The following VWA2 variants were observed in gnomAD, a reference collection of about 807,000 sequenced individuals.
VWA2 encodes von Willebrand factor A domain-containing protein 2.
VWA2 carries 73 observed loss-of-function variants against 70.4 expected under a neutral mutation model. That is an observed-to-expected ratio of 1.04 (90% confidence interval 0.86 to 1.26). The LOEUF (loss-of-function observed/expected upper bound fraction) is 1.26, where lower values mean the gene tolerates loss of function less well. Among genes scored for constraint, VWA2 ranks in the 50% most tolerant of loss-of-function variants. The pLI, the probability that VWA2 is intolerant of heterozygous loss-of-function variation, is 0.00. For synonymous variants in VWA2, 407 were observed against 423.3 expected (o/e 0.96, Z 0.47); for missense variants, 1,011 against 998.5 (o/e 1.01, Z -0.17).
Position 114,288,919 on chromosome 10 carries a change from C to A in VWA2, c.1571-19C>A, listed in dbSNP as rs2039243134. 1.3e-6 allele frequency: 2 copies of A among 1,584,680 alleles called. No homozygotes were observed. The highest frequency in any genetic ancestry group is 1.7e-6 in the Non-Finnish European group (2 of 1,163,352). ...GACTGGCACATCCACTGCTGAAGCC[C>A]CTCTGCTTGCTCCTGCAGGGTGCCG... On this transcript the variant is annotated intron_variant, in intron 11 of 13. Transcript: ENST00000392982.
chr10:114,240,560 C>A (rs528693281), intron 1 of VWA2, among the ~76,000 whole-genome samples: 1 of 152,196 alleles, frequency 6.6e-6, no homozygotes, highest in Non-Finnish European at 1.5e-5. Context: ...ACCCCAGAAC[C>A]TCTAAGTGTT....
intron 6 of VWA2, among the ~76,000 whole-genome samples, chr10:114,276,402 TC>T (rs1173650709): frequency 6.6e-6 from 1 of 152,222 alleles, no homozygotes; most frequent in Non-Finnish European, 1.5e-5. Flanking sequence ...CATCCTGCCT[TC>T]AGTGACTCTG....
chr10:114,245,304 G>A (rs889086113), intron 1 of VWA2, among the ~76,000 whole-genome samples: 1 of 152,216 alleles, frequency 6.6e-6, no homozygotes, highest in Admixed American at 6.5e-5. Flanking sequence ...GAGGGAAGGG[G>A]ACTGTGTTTA....
intron 2 of VWA2, among the ~76,000 whole-genome samples, chr10:114,251,914 C>T (rs964925343): frequency 3.8e-4 from 57 of 151,812 alleles, no homozygotes; most frequent in Admixed American, 1.0e-3. Context: ...CTCCGCCTCC[C>T]GGGTTCAAGT....
At chr10:114,253,782 A>G in intron 3 of VWA2, 57 bp downstream of exon 3, 1 of 1,479,232 alleles carries the variant, frequency 6.8e-7, no homozygotes, top group South Asian at 1.1e-5. Flanking sequence ...TGTGTGATGG[A>G]CTGGATGAGA....
At chr10:114,246,077 C>A in intron 1 of VWA2, 1 of 464,192 alleles carries the variant, frequency 2.2e-6, no homozygotes. Flanking sequence ...CCGCCCCCCG[C>A]CCAAGATGAT....
chr10:114,247,842 G>T (rs995968786), intron 1 of VWA2, among the ~76,000 whole-genome samples: 1 of 152,064 alleles, frequency 6.6e-6, no homozygotes, highest in Non-Finnish European at 1.5e-5. Context: ...AGGGCACCAG[G>T]ATGAGGATGA....
chr10:114,282,769 G>A (rs1052575876), intron 9 of VWA2, among the ~76,000 whole-genome samples, 198 bp downstream of exon 9: 6 of 152,142 alleles, frequency 3.9e-5, no homozygotes, highest in Non-Finnish European at 5.9e-5. Flanking sequence ...ATGGAGTGGC[G>A]GCTTTGGGAT....
intron 1 of VWA2, among the ~76,000 whole-genome samples, chr10:114,244,779 A>G (rs572167454): frequency 1.3e-5 from 2 of 152,390 alleles, no homozygotes; most frequent in South Asian, 2.1e-4. Context: ...CATCATCGCA[A>G]TAGCGTTCAT....
At chr10:114,273,646 G>A (rs1265098104) in intron 6 of VWA2, among the ~76,000 whole-genome samples, 1 of 152,206 alleles carries the variant, frequency 6.6e-6, no homozygotes, top group Non-Finnish European at 1.5e-5. Flanking sequence ...AGCGTTAAGT[G>A]AAATGACTCT....
chr10:114,267,993 TG>T (rs1193464067), intron 5 of VWA2, among the ~76,000 whole-genome samples: 1 of 152,036 alleles, frequency 6.6e-6, no homozygotes. Context: ...TAGGCTGCTG[TG>T]GGTTCATTTT....
chr10:114,246,336 A>C (rs2037067792), intron 1 of VWA2: 10 of 571,982 alleles, frequency 1.7e-5, no homozygotes, highest in Non-Finnish European at 3.1e-5. Flanking sequence ...CCCCGTCTCT[A>C]CTAAAAATAC....
chr10:114,274,250 G>T (rs2037772016), intron 6 of VWA2, among the ~76,000 whole-genome samples: 1 of 152,250 alleles, frequency 6.6e-6, no homozygotes, highest in African/African-American at 2.4e-5. Flanking sequence ...TTAGTTTATT[G>T]TGAGTAGGAT....
chr10:114,291,222 C>A lies in VWA2; in HGVS notation c.2253C>A (p.Phe751Leu). 1 of 1,550,580 alleles carries A rather than the reference C, an allele frequency of 6.4e-7. No homozygotes were observed. Among genetic ancestry groups the A allele is most frequent in the Non-Finnish European group, 8.7e-7 (1 of 1,146,976 alleles). ...GWEGPHCENRFLRRP is the reference protein window; with the variant it reads ...GWEGPHCENRLLRRP ...AGACTTCACTTCCTTCCCCAGGATT[C>A]TTGAGACGCCCCTGAGGCACATGGC... The change falls in exon 14 of 14, where the codon TTC becomes TTA. Residue 751 changes from phenylalanine (F) to leucine (L), a missense_variant. Phe to Leu is a conservative substitution (Grantham distance 22, BLOSUM62 0). Transcript: ENST00000392982.
intron 6 of VWA2, among the ~76,000 whole-genome samples, chr10:114,273,246 T>A (rs1299111111): frequency 6.6e-6 from 1 of 152,082 alleles, no homozygotes; most frequent in Non-Finnish European, 1.5e-5. Flanking sequence ...TCCCTCAGGG[T>A]GTGCAGGAGC....
intron 2 of VWA2, among the ~76,000 whole-genome samples, chr10:114,253,442 T>C (rs1459992805): frequency 1.4e-5 from 2 of 144,864 alleles, no homozygotes. Context: ...ACTACCCACA[T>C]TTAAATACAA....
At chr10:114,251,735 C>G (rs991412632) in intron 2 of VWA2, among the ~76,000 whole-genome samples, 1 of 151,552 alleles carries the variant, frequency 6.6e-6, no homozygotes, top group African/African-American at 2.4e-5. Context: ...CTCGTGGGAA[C>G]AGAACCGCAT....
At chr10:114,247,313 C>T (rs2037093239) in intron 1 of VWA2, among the ~76,000 whole-genome samples, 1 of 152,158 alleles carries the variant, frequency 6.6e-6, no homozygotes, top group Admixed American at 6.5e-5. Flanking sequence ...TCTTTAACCA[C>T]TTATCTCCCA....
In VWA2 at chr10:114,294,102, T is replaced by C. The variant is rs561328715; in HGVS notation, c.*2865T>C. 3.9e-5 allele frequency among the ~76,000 whole-genome samples: 6 copies of C among 152,326 alleles called. No homozygotes were observed. Among genetic ancestry groups the C allele is most frequent in the African/African-American group, 1.4e-4 (6 of 41,586 alleles). On this transcript the variant is annotated 3_prime_UTR_variant, in exon 14 of 14. Transcript: ENST00000392982. ...TTATCCATTTGTGTATTTTCAATCA[T>C]TGAACAACCCTTGATTTTTTTGGAT...
Sources: gnomAD v4.1 joint callset for allele counts (sites outside exome capture counted in the v4.1 genomes callset) on GRCh38, gnomAD v4.1.1 for gene constraint, MANE v1.5 for transcripts, NCBI Gene and HGNC (gene_info 2026-07-23, HGNC 2026-07-21) for gene names.